The following DOCK4 variants were observed in gnomAD, a reference collection of about 807,000 sequenced individuals.
The protein encoded by DOCK4 is dedicator of cytokinesis 4.
A neutral mutation model predicts 268.1 loss-of-function variants in DOCK4; 97 were observed. That is an observed-to-expected ratio of 0.36 (90% CI 0.31 to 0.43). The LOEUF is 0.43. Ranked by LOEUF, DOCK4 falls within the 20% of genes least tolerant of loss-of-function variation. The pLI is 1.00. For synonymous variants in DOCK4, 954 were observed against 887.2 expected (o/e 1.08, Z -1.34); for missense variants, 2,145 against 2,455.7 (o/e 0.87, Z 2.67).
In DOCK4 at chr7:111,762,762, C is replaced by CTT. The variant is rs869052136; in HGVS notation, c.4020+2354_4020+2355dup. 7.7e-3 allele frequency among the ~76,000 whole-genome samples: 488 copies of CTT among 62,984 alleles called. 67 individuals are homozygous for CTT. Among genetic ancestry groups the CTT allele is most frequent in the South Asian group, 0.076 (84 of 1,110 alleles). The allele number at this position is 62,984 out of a possible 152,430, so 41.3% of individuals were successfully genotyped here. The stretch of plus-strand genomic sequence containing the variant: ...TAAATAACCCATTTTGTTTTGTTTT[C>CTT]TTTTTTTTTTTTTTTTTTTTTTTTG... On this transcript the variant is annotated intron_variant, in intron 39 of 52. Transcript: ENST00000428084.
Position 111,742,096 on chromosome 7 carries a change from T to G in DOCK4, c.4714A>C (p.Lys1572Gln). ...GGTCTCATATCTTGAGGTACAAACT[T>G]CTCATGCACGGCCAAACCAAATTCC... The part of the protein sequence containing the change: ...ILEFGLAVHE[K>Q]FVPQDMRPLH... The change falls in exon 45 of 53, where the codon AAG (lysine) becomes CAG (glutamine). Residue 1572 changes from lysine to glutamine, a missense_variant. Transcript: ENST00000428084. The G allele has an allele frequency of 6.2e-7, 1 of 1,601,536 alleles. No individual in the cohort carries two copies. Among genetic ancestry groups the G allele is most frequent in the African/African-American group, 1.3e-5 (1 of 74,316 alleles).
intron 23 of DOCK4, among the ~76,000 whole-genome samples, chr7:111,862,144 C>T (rs1454065186): frequency 1.3e-5 from 2 of 151,882 alleles, no homozygotes; most frequent in Non-Finnish European, 2.9e-5. Context: ...ACTAAAAATA[C>T]AAAAATTAGC....
In DOCK4 at chr7:111,940,314, C is replaced by T. The variant is rs1795108708; in HGVS notation, c.845-72G>A. 9 of 1,595,370 alleles carry T rather than the reference C, an allele frequency of 5.6e-6. No homozygotes were observed. The East Asian group carries it at 1.8e-4, about 32-fold the overall frequency. On this transcript the variant is annotated intron_variant, in intron 10 of 52. Transcript: ENST00000428084. ...GATGCATCTTAGGTAGCGAAACATA[C>T]AGCTATAAGATAGGCCATTGAAATG...
intron 2 of DOCK4, among the ~76,000 whole-genome samples, chr7:112,003,554 C>T (rs1800613898): frequency 6.6e-6 from 1 of 152,130 alleles, no homozygotes; most frequent in South Asian, 2.1e-4. Context: ...CAAAGTCAGA[C>T]AATATATTCT....
At position 111,863,552 on chromosome 7, in the gene DOCK4, T is replaced by G; in HGVS notation, c.2293A>C (p.Ser765Arg). ...TCTGAGTACACGGCAGGGAAAGAGCTCAGAAACACAGCCTTAAAAAGAAGA... is the reference window on the plus strand; with the variant it reads ...TCTGAGTACACGGCAGGGAAAGAGCGCAGAAACACAGCCTTAAAAAGAAGA... ...ALSQSQAVFL[S>R]SFPAVYSELL... The change falls in exon 23 of 53, where the codon AGC (serine) becomes CGC (arginine). Residue 765 changes from serine to arginine, a missense_variant. By Grantham distance (110) the Ser-to-Arg change is moderately radical (BLOSUM62 -1). Coordinates refer to ENST00000428084, the MANE Select transcript of DOCK4 (RefSeq NM_001363540.2). 1.9e-6 allele frequency: 3 copies of G among 1,602,418 alleles called. No homozygotes were observed. The highest frequency in any genetic ancestry group is 2.6e-6 in the Non-Finnish European group (3 of 1,172,402).
At chr7:111,832,535 AT>A (rs529125730) in intron 26 of DOCK4, among the ~76,000 whole-genome samples, 4 of 149,254 alleles carry the variant, frequency 2.7e-5, no homozygotes, top group African/African-American at 4.9e-5. Context: ...AGGCCTTGCT[AT>A]TTTTTTTTTC....
chr7:111,879,230 G>A (rs1807172364), intron 16 of DOCK4, among the ~76,000 whole-genome samples: 1 of 152,016 alleles, frequency 6.6e-6, no homozygotes, highest in Non-Finnish European at 1.5e-5. Flanking sequence ...GGCCAAAAGG[G>A]AGCCAACTTC....
At chr7:111,984,429 C>T in intron 6 of DOCK4, 39 bp from the exon 7 acceptor site, 5 of 1,554,420 alleles carry the variant, frequency 3.2e-6, no homozygotes, top group Non-Finnish European at 4.4e-6. Flanking sequence ...GAAAAGTTAC[C>T]TCCATGAAAT....
intron 36 of DOCK4, among the ~76,000 whole-genome samples, chr7:111,775,931 G>T (rs1315173937): frequency 1.4e-4 from 21 of 152,252 alleles, no homozygotes; most frequent in Non-Finnish European, 7.4e-5. Flanking sequence ...GGAAGAATGG[G>T]GAGGATCACA....
intron 1 of DOCK4, among the ~76,000 whole-genome samples, chr7:112,035,793 TA>T (rs1426660047): frequency 6.6e-6 from 1 of 152,048 alleles, no homozygotes; most frequent in East Asian, 1.9e-4. Flanking sequence ...AACACTCATT[TA>T]AAAAAAGCTC....
At position 112,020,596 on chromosome 7, in the gene DOCK4, C is replaced by T. The variant is rs1802228548; in HGVS notation, c.38-16465G>A. 2.0e-5 allele frequency among the ~76,000 whole-genome samples: 3 copies of T among 150,078 alleles called. 1 individual carries two copies. The highest frequency in any genetic ancestry group is 2.1e-4 in the South Asian group (1 of 4,778). ...ACGATCATACCTTCAGAAACTCAAA[C>T]CTGAGAGCACCGTAAGACCATGTGG... On this transcript the variant is annotated intron_variant, in intron 1 of 52. Coordinates refer to ENST00000428084, the MANE Select transcript of DOCK4 (RefSeq NM_001363540.2).
chr7:111,997,400 A>G (rs1245523906), intron 4 of DOCK4, among the ~76,000 whole-genome samples: 1 of 152,226 alleles, frequency 6.6e-6, no homozygotes, highest in African/African-American at 2.4e-5. Flanking sequence ...CAGCTCACAT[A>G]TATAAGACAT....
chr7:111,871,453 T>C (rs1806424400), intron 20 of DOCK4, among the ~76,000 whole-genome samples: 1 of 152,208 alleles, frequency 6.6e-6, no homozygotes, highest in Non-Finnish European at 1.5e-5. Context: ...TAGCAGCTCC[T>C]ATCAAAGAGT....
chr7:112,020,961 C>T (rs1802266787), intron 1 of DOCK4, among the ~76,000 whole-genome samples: 1 of 152,110 alleles, frequency 6.6e-6, no homozygotes, highest in South Asian at 2.1e-4. Context: ...GTTTTCCTGC[C>T]CATTTCTCCC....
intron 8 of DOCK4, among the ~76,000 whole-genome samples, chr7:111,956,490 A>C (rs2134933739): frequency 6.6e-6 from 1 of 152,290 alleles, no homozygotes; most frequent in East Asian, 1.9e-4. Context: ...ACTCTGCCAA[A>C]GGGAAGAAGA....
chr7:112,192,800 T>C (rs575940678), intron 1 of DOCK4, among the ~76,000 whole-genome samples: 7 of 152,142 alleles, frequency 4.6e-5, no homozygotes, highest in Non-Finnish European at 8.8e-5. Flanking sequence ...GCATATACCA[T>C]AAATAATCAT....
chr7:111,833,321 T>G (rs1802985941), intron 26 of DOCK4, among the ~76,000 whole-genome samples: 1 of 151,988 alleles, frequency 6.6e-6, no homozygotes, highest in African/African-American at 2.4e-5. Flanking sequence ...ATGGGAGGAT[T>G]TCTTTAGGCC....
intron 15 of DOCK4, among the ~76,000 whole-genome samples, chr7:111,899,924 G>A (rs1260567951): frequency 6.6e-6 from 1 of 152,106 alleles, no homozygotes; most frequent in Admixed American, 6.6e-5. Flanking sequence ...GCTTTGCTTC[G>A]AAACAAAACA....
intron 26 of DOCK4, among the ~76,000 whole-genome samples, chr7:111,826,175 G>C (rs1262132193): frequency 2.0e-5 from 3 of 152,190 alleles, no homozygotes; most frequent in African/African-American, 7.2e-5. Flanking sequence ...GAATAAGTCT[G>C]AAGGTCAGGT....
Sources: gnomAD v4.1 joint callset for allele counts (sites outside exome capture counted in the v4.1 genomes callset) on GRCh38, gnomAD v4.1.1 for gene constraint, MANE v1.5 for transcripts, NCBI Gene and HGNC (gene_info 2026-07-23, HGNC 2026-07-21) for gene names.